SIL1: variants seen among roughly 807,000 people sequenced by gnomAD.
SIL1 encodes nucleotide exchange factor SIL1.
A neutral mutation model predicts 49.1 loss-of-function variants in SIL1; 40 were observed. The ratio of observed to expected loss-of-function variants is 0.81; its 90% confidence interval spans 0.63 to 1.06. The LOEUF (loss-of-function observed/expected upper bound fraction) is 1.06, where lower values mean the gene tolerates loss of function less well. SIL1 is among the 50% of genes least tolerant of loss of function. SIL1 has a pLI of 0.00. For missense variants in SIL1, 500 were observed against 572.6 expected (o/e 0.87, Z 1.29); for synonymous variants, 253 against 250.8 (o/e 1.01, Z -0.08).
intron 1 of SIL1, among the ~76,000 whole-genome samples, chr5:139,137,754 C>A (rs1303241389): frequency 7.0e-6 from 1 of 142,084 alleles, no homozygotes; most frequent in East Asian, 2.3e-4. Flanking sequence ...TTGTTCAATT[C>A]CCACCTCTGA....
At chr5:139,005,390 T>C (rs1768090051) in intron 7 of SIL1, among the ~76,000 whole-genome samples, 1 of 151,654 alleles carries the variant, frequency 6.6e-6, no homozygotes, top group South Asian at 2.1e-4. Context: ...TATTCTGTTT[T>C]CTGTGAATTT....
At chr5:139,059,007 G>A (rs1213453901) in intron 3 of SIL1, among the ~76,000 whole-genome samples, 1 of 104,600 alleles carries the variant, frequency 9.6e-6, no homozygotes, top group African/African-American at 4.3e-5. Context: ...CCTTAGACTG[G>A]GTAATTTATA....
chr5:139,104,290 G>A (rs1770655497), intron 3 of SIL1, among the ~76,000 whole-genome samples: 1 of 152,118 alleles, frequency 6.6e-6, no homozygotes, highest in South Asian at 2.1e-4. Context: ...GTCGAGCATG[G>A]GTGTCCCTGG....
At chr5:139,006,710 A>G (rs1768126293) in intron 7 of SIL1, among the ~76,000 whole-genome samples, 1 of 149,722 alleles carries the variant, frequency 6.7e-6, no homozygotes, top group Non-Finnish European at 1.5e-5. Flanking sequence ...CATTTATTAA[A>G]TAGGGAATCC....
intron 5 of SIL1, among the ~76,000 whole-genome samples, chr5:139,027,815 A>T (rs189927781): frequency 1.1e-4 from 17 of 152,204 alleles, no homozygotes; most frequent in African/African-American, 4.1e-4. Context: ...AAAGGCACAG[A>T]TATTTATAAA....
At chr5:139,067,949 T>C (rs186225756) in intron 3 of SIL1, among the ~76,000 whole-genome samples, 21 of 152,334 alleles carry the variant, frequency 1.4e-4, no homozygotes, top group African/African-American at 3.6e-4. Flanking sequence ...AATACAAATG[T>C]CCATCAGTAG....
intron 1 of SIL1, among the ~76,000 whole-genome samples, chr5:139,183,118 C>A (rs893336270): frequency 6.6e-6 from 1 of 152,182 alleles, no homozygotes; most frequent in African/African-American, 2.4e-5. Flanking sequence ...AAGCTGCACA[C>A]CAGTAAGGTC....
chr5:139,097,485 CT>C (rs58976541), intron 3 of SIL1, among the ~76,000 whole-genome samples: 29,499 of 142,992 alleles, frequency 0.21, 3,327 homozygotes, highest in African/African-American at 0.33. Context: ...TAGCATTTCT[CT>C]TTTTTTTTTT....
chr5:139,179,558 T>C (rs1039385262), intron 1 of SIL1, among the ~76,000 whole-genome samples: 2 of 152,116 alleles, frequency 1.3e-5, no homozygotes, highest in Non-Finnish European at 2.9e-5. Context: ...CCTTCTCTTA[T>C]GTAGGGTAGG....
intron 7 of SIL1, among the ~76,000 whole-genome samples, chr5:138,964,727 G>GAAAC (rs1419060099): frequency 4.6e-5 from 7 of 152,198 alleles, no homozygotes; most frequent in Non-Finnish European, 8.8e-5. Flanking sequence ...AATAGCAAGG[G>GAAAC]AAACAAAAGG....
At chr5:139,003,038 C>G (rs1400916531) in intron 7 of SIL1, among the ~76,000 whole-genome samples, 1 of 152,120 alleles carries the variant, frequency 6.6e-6, no homozygotes, top group Admixed American at 6.5e-5. Flanking sequence ...GAAACAATAA[C>G]AAGGTTCTGA....
chr5:139,017,373 A>T (rs536525221), intron 7 of SIL1: 1 of 152,336 alleles, frequency 6.6e-6, no homozygotes, highest in African/African-American at 2.4e-5. Flanking sequence ...ATCCATTGTA[A>T]AAGTACATAA....
chr5:139,036,711 T>C (rs1379303674), intron 5 of SIL1, among the ~76,000 whole-genome samples: 7 of 152,056 alleles, frequency 4.6e-5, no homozygotes, highest in Non-Finnish European at 1.0e-4. Flanking sequence ...AGGATGGGAA[T>C]AGGGAGGGGA....
At chr5:139,169,396 T>C (rs1283223777) in intron 1 of SIL1, among the ~76,000 whole-genome samples, 1 of 152,142 alleles carries the variant, frequency 6.6e-6, no homozygotes, top group East Asian at 1.9e-4. Flanking sequence ...AATGTCCAGT[T>C]TTGAACCCAA....
Position 139,008,944 on chromosome 5 carries a change from T to G in SIL1, c.767+12227A>C, listed in dbSNP as rs372721733. Among the ~76,000 whole-genome samples the G allele has an allele frequency of 4.9e-3, 746 of 151,238 alleles. 9 individuals carry two copies. Among genetic ancestry groups the G allele is most frequent in the Non-Finnish European group, 3.2e-3 (213 of 67,304 alleles). Reference sequence around the variant, plus strand: ...TGAAAAAAATGTATATTCTGTTGATTTGGGGTGGAGAGTTCTGTAGATGTC... The same window carrying G: ...TGAAAAAAATGTATATTCTGTTGATGTGGGGTGGAGAGTTCTGTAGATGTC... On this transcript the variant is annotated intron_variant, in intron 7 of 9. Transcript: ENST00000394817.
intron 3 of SIL1, among the ~76,000 whole-genome samples, chr5:139,112,274 G>A (rs13163542): frequency 0.45 from 67,630 of 151,920 alleles, 15,409 homozygotes; most frequent in African/African-American, 0.51. Context: ...CACCCCGTCC[G>A]AGAAGTGAGG....
At chr5:139,191,099 G>A (rs970612094) in intron 1 of SIL1, among the ~76,000 whole-genome samples, 2 of 151,862 alleles carry the variant, frequency 1.3e-5, no homozygotes, top group Non-Finnish European at 2.9e-5. Flanking sequence ...GGCCATGGTG[G>A]CAAGCACCTG....
intron 1 of SIL1, among the ~76,000 whole-genome samples, chr5:139,152,511 C>T (rs1038127053): frequency 7.9e-5 from 12 of 151,638 alleles, no homozygotes; most frequent in Admixed American, 5.3e-4. Flanking sequence ...ATCCCAGCTA[C>T]TCGGCAGGCT....
intron 3 of SIL1, among the ~76,000 whole-genome samples, chr5:139,092,918 T>C (rs1444306218): frequency 2.0e-5 from 3 of 152,218 alleles, no homozygotes; most frequent in African/African-American, 7.2e-5. Context: ...GATTAGGTCA[T>C]GAGGGCTTTG....
Sources: allele counts gnomAD v4.1 joint callset (sites outside exome capture counted in the v4.1 genomes callset), GRCh38; gene constraint gnomAD v4.1.1; transcripts MANE v1.5; gene names NCBI Gene and HGNC (gene_info 2026-07-23, HGNC 2026-07-21).